Variants in SCAPER observed in about 807,000 individuals in gnomAD.
The protein encoded by SCAPER is S phase cyclin A-associated protein in the endoplasmic reticulum.
SCAPER carries 98 observed loss-of-function variants against 182.2 expected under a neutral mutation model. The ratio of observed to expected loss-of-function variants is 0.54; its 90% CI spans 0.46 to 0.64. The LOEUF (loss-of-function observed/expected upper bound fraction) is 0.64, where lower values mean the gene tolerates loss of function less well. SCAPER is among the 30% of genes least tolerant of loss of function. The pLI is 0.00. For missense variants in SCAPER, 1,432 were observed against 1,690.0 expected (o/e 0.85, Z 2.68); for synonymous variants, 605 against 564.6 (o/e 1.07, Z -1.01).
rs372365937 is a variant in SCAPER, at chr15:76,753,946, C to T, written c.1728G>A (p.Glu576=). The T allele has an allele frequency of 4.1e-4, 665 of 1,612,380 alleles. 3 individuals carry two copies. Among genetic ancestry groups the T allele is most frequent in the Middle Eastern group, 2.6e-3 (16 of 6,058 alleles). ...CTTCCTTCCACTTCCGGACATCCTTCTCCTACGTATAGTGAATCATCACAT... is the reference window on the plus strand; with the variant it reads ...CTTCCTTCCACTTCCGGACATCCTTTTCCTACGTATAGTGAATCATCACAT... ...TLKLQKLLER[E]KDVRKWKEEL... Residue 576 remains glutamate (E), a splice_region_variant and synonymous_variant, in exon 15 of 32, where the codon GAG becomes GAA. Coordinates refer to ENST00000563290, the MANE Select transcript of SCAPER (RefSeq NM_020843.4).
chr15:76,866,029 G>A lies in SCAPER; in HGVS notation c.7-3496C>T, dbSNP rs540042390. Among the ~76,000 whole-genome samples the A allele has an allele frequency of 3.3e-5, 5 of 152,130 alleles. No individual in the cohort carries two copies. In the South Asian group the frequency reaches 1.0e-3, roughly 32 times the overall value. The stretch of plus-strand genomic sequence containing the variant: ...AATCAATGTAACACCAGAAAACTTC[G>A]TCCTTTAGCTTAAGCACATCTCCCA... On this transcript the variant is annotated intron_variant, in intron 2 of 31. Transcript: ENST00000563290.
At chr15:76,696,558 C>T (rs1474446782) in intron 20 of SCAPER, among the ~76,000 whole-genome samples, 1 of 151,856 alleles carries the variant, frequency 6.6e-6, no homozygotes, top group Non-Finnish European at 1.5e-5. Flanking sequence ...ATGAATCTCA[C>T]AAACATAGAA....
chr15:76,583,663 T>C (rs2048428307), intron 22 of SCAPER, among the ~76,000 whole-genome samples: 1 of 152,120 alleles, frequency 6.6e-6, no homozygotes, highest in African/African-American at 2.4e-5. Context: ...CACAGGTATA[T>C]GAAAAGGTGC....
intron 26 of SCAPER, among the ~76,000 whole-genome samples, chr15:76,419,642 C>T (rs2045890931): frequency 6.6e-6 from 1 of 151,904 alleles, no homozygotes; most frequent in South Asian, 2.1e-4. Flanking sequence ...ATCACTTGAA[C>T]CTGGGAGGTG....
At chr15:76,755,236 C>A (rs188073432) in intron 14 of SCAPER, among the ~76,000 whole-genome samples, 2 of 152,256 alleles carry the variant, frequency 1.3e-5, no homozygotes, top group Admixed American at 1.3e-4. Context: ...TCTTGCAGAA[C>A]CCCACAAGAG....
intron 21 of SCAPER, among the ~76,000 whole-genome samples, chr15:76,661,228 A>G (rs951248000): frequency 6.6e-6 from 1 of 152,174 alleles, no homozygotes; most frequent in East Asian, 1.9e-4. Flanking sequence ...TAAAAACCCT[A>G]GAAGAAAATA....
chr15:76,444,924 A>C (rs1219218445), intron 25 of SCAPER, among the ~76,000 whole-genome samples: 1 of 152,200 alleles, frequency 6.6e-6, no homozygotes, highest in Non-Finnish European at 1.5e-5. Context: ...ATTGACTTTT[A>C]AAATTTTGGA....
At chr15:76,874,409 T>C (rs1281820409) in intron 2 of SCAPER, among the ~76,000 whole-genome samples, 2 of 151,910 alleles carry the variant, frequency 1.3e-5, no homozygotes, top group Admixed American at 6.5e-5. Flanking sequence ...GAGCACCATA[T>C]TAAATCCCAA....
At chr15:76,674,740 T>C (rs542439584) in intron 20 of SCAPER, among the ~76,000 whole-genome samples, 1 of 152,322 alleles carries the variant, frequency 6.6e-6, no homozygotes, top group Non-Finnish European at 1.5e-5. Context: ...TAAATTTCTA[T>C]GTTCTTAAAA....
chr15:76,502,072 A>G lies in SCAPER; in HGVS notation c.2954+2787T>C, dbSNP rs1394885317. On this transcript the variant is annotated intron_variant, in intron 24 of 31. Coordinates refer to ENST00000563290, the MANE Select transcript of SCAPER (RefSeq NM_020843.4). ...ATGATATGGAGACTGTGCTGAGGAT[A>G]GAAGAATCTTAGAGTCAATGCTGGA... Among the ~76,000 whole-genome samples the G allele has an allele frequency of 6.6e-5, 10 of 152,340 alleles. No homozygotes were observed. The East Asian group carries it at 1.7e-3, about 26-fold the overall frequency.
chr15:76,446,151 C>A (rs1259402538), intron 25 of SCAPER, among the ~76,000 whole-genome samples: 1 of 152,140 alleles, frequency 6.6e-6, no homozygotes, highest in East Asian at 1.9e-4. Flanking sequence ...TATATTCAGA[C>A]AAGAAAACTA....
chr15:76,761,788 T>C (rs979289744), intron 14 of SCAPER, among the ~76,000 whole-genome samples: 1 of 152,158 alleles, frequency 6.6e-6, no homozygotes, highest in Non-Finnish European at 1.5e-5. Flanking sequence ...CCTGTACATA[T>C]TTCTTAGGCA....
chr15:76,845,864 A>C lies in SCAPER; in HGVS notation c.196-3933T>G, dbSNP rs892419950. ...AAAATCCTAAAATATATACAGAACC[A>C]CAAAAAACCTGGAATACCCAAGGTT... On this transcript the variant is annotated intron_variant, in intron 4 of 31. Coordinates refer to ENST00000563290, the MANE Select transcript of SCAPER (RefSeq NM_020843.4). Among the ~76,000 whole-genome samples, 6 of 152,086 alleles carry C rather than the reference A, an allele frequency of 3.9e-5. No individual in the cohort carries two copies. In the East Asian group the frequency reaches 1.2e-3, roughly 29 times the overall value.
chr15:76,561,263 A>C (rs2046597091), intron 23 of SCAPER, among the ~76,000 whole-genome samples: 1 of 152,164 alleles, frequency 6.6e-6, no homozygotes, highest in Non-Finnish European at 1.5e-5. Context: ...AGAGCTTATA[A>C]TTTATTTACT....
chr15:76,656,983 G>C (rs144308597), intron 21 of SCAPER, among the ~76,000 whole-genome samples: 2 of 151,986 alleles, frequency 1.3e-5, no homozygotes, highest in Non-Finnish European at 2.9e-5. Flanking sequence ...ATCACATCCA[G>C]ATGAAGTAGA....
chr15:76,728,662 C>T lies in SCAPER; in HGVS notation c.2098G>A (p.Ala700Thr), dbSNP rs912153883. The change falls in exon 17 of 32, where the codon GCC (alanine) becomes ACC (threonine). Residue 700 changes from alanine (A) to threonine (T), a missense_variant. Around this residue, in one of 5 missense-constraint regions of SCAPER, gnomAD observed 88 missense variants for 184.2 expected, o/e 0.48. Coordinates refer to ENST00000563290, the MANE Select transcript of SCAPER (RefSeq NM_020843.4). ...ELLMKRKEQE[A>T]RIEQQRQEKE... is the part of the protein sequence containing the mutation. ...TCTTGCCTCTGTTGTTCAATTCGGGCTTCTTGTTCTTTCCTCTTCATTAAC... is the reference window on the plus strand; with the variant it reads ...TCTTGCCTCTGTTGTTCAATTCGGGTTTCTTGTTCTTTCCTCTTCATTAAC... 1.9e-6 allele frequency: 3 copies of T among 1,613,666 alleles called. No individual in the cohort carries two copies. The highest frequency in any genetic ancestry group is 1.1e-5 in the South Asian group (1 of 91,052).
At position 76,701,836 on chromosome 15, in the gene SCAPER, A is replaced by G. The variant is rs778267755; in HGVS notation, c.2430T>C (p.His810=). The G allele has an allele frequency of 6.2e-7, 1 of 1,613,834 alleles. No individual in the cohort carries two copies. The highest frequency in any genetic ancestry group is 1.7e-5 in the Admixed American group (1 of 60,018). ...LISSEVYLFS[H]VKGRKHQQAV... is the part of the protein sequence containing the mutation. ...CTTGCTGGTGTTTTCTCCCTTTAAC[A>G]TGGCTAAAAAGATATACCTCTGAAG... Residue 810 remains histidine, a synonymous_variant, in exon 20 of 32, where the codon CAT becomes CAC. Transcript: ENST00000563290.
At chr15:76,558,422 T>C (rs1374431770) in intron 23 of SCAPER, among the ~76,000 whole-genome samples, 2 of 152,090 alleles carry the variant, frequency 1.3e-5, no homozygotes, top group Non-Finnish European at 2.9e-5. Context: ...GAGAAATCCA[T>C]AGCAATGAGA....
chr15:76,901,941 G>C (rs7166156), intron 1 of SCAPER, among the ~76,000 whole-genome samples: 1 of 151,862 alleles, frequency 6.6e-6, no homozygotes, highest in Non-Finnish European at 1.5e-5. Flanking sequence ...GGATGGTCTC[G>C]ATCTCCTGAC....
Sources: gnomAD v4.1 joint callset for allele counts (sites outside exome capture counted in the v4.1 genomes callset) on GRCh38, gnomAD v4.1.1 for gene constraint, gnomAD v4.1.1 regional missense constraint, MANE v1.5 for transcripts, NCBI Gene and HGNC (gene_info 2026-07-23, HGNC 2026-07-21) for gene names.